The following PCGF3 variants were observed in gnomAD, a reference collection of about 807,000 sequenced individuals.
The protein encoded by PCGF3 is polycomb group RING finger protein 3.
Under a neutral mutation model 33.1 loss-of-function variants are expected in PCGF3, and 7 were observed. The ratio of observed to expected loss-of-function variants is 0.21; its 90% CI spans 0.12 to 0.40. The LOEUF is 0.40. PCGF3 is among the 10% of genes least tolerant of loss of function. The pLI is 1.00. For synonymous variants in PCGF3, 153 were observed against 121.3 expected (o/e 1.26, Z -1.72); for missense variants, 211 against 313.3 (o/e 0.67, Z 2.46).
chr4:735,025 C>T (rs761738215), exon 5 of PCGF3: 29 of 1,611,638 alleles, frequency 1.8e-5, no homozygotes, highest in Non-Finnish European at 1.8e-5. Flanking sequence ...TGCAGTACAT[C>T]GGGTGAGTGT....
At chr4:738,323 C>T (rs1238776612) in intron 6 of PCGF3, among the ~76,000 whole-genome samples, 1 of 152,274 alleles carries the variant, frequency 6.6e-6, no homozygotes, top group Non-Finnish European at 1.5e-5. Flanking sequence ...CTTCCCTACT[C>T]ACAGAGTTCA....
At chr4:765,233 A>C (rs928881779) in intron 10 of PCGF3, among the ~76,000 whole-genome samples, 169 bp downstream of exon 10, 2 of 152,212 alleles carry the variant, frequency 1.3e-5, no homozygotes, top group Non-Finnish European at 2.9e-5. Flanking sequence ...GGAGATCCAG[A>C]CAATCCTGGC....
intron 3 of PCGF3, among the ~76,000 whole-genome samples, chr4:731,601 T>C (rs1560203708): frequency 4.4e-5 from 3 of 68,430 alleles, no homozygotes; most frequent in Non-Finnish European, 9.0e-5. Flanking sequence ...AGGGCGGGGC[T>C]CCCCTCCCCT....
rs57690550 is a variant in PCGF3, at chr4:727,233, C to CTTTTTTTTT, written c.-189-3380_-189-3372dup. Among the ~76,000 whole-genome samples, 54 of 61,896 alleles carry CTTTTTTTTT rather than the reference C, an allele frequency of 8.7e-4. 8 individuals are homozygous for CTTTTTTTTT. The highest frequency in any genetic ancestry group is 0.023 in the Middle Eastern group (1 of 44). 40.6% of individuals were successfully genotyped at this position (61,896 alleles called of 152,430 possible). ...AGAGGATGTGTGTGTTAGCGAGCGT[C>CTTTTTTTTT]TTTTTTTTTTTTTTTTTTTTTTTTT... is the stretch of plus-strand genomic sequence containing the variant. On this transcript the variant is annotated intron_variant, in intron 1 of 10. Coordinates refer to ENST00000362003, the Ensembl canonical transcript of PCGF3.
chr4:728,517 G>A (rs73221120), intron 1 of PCGF3, among the ~76,000 whole-genome samples: 4,570 of 152,302 alleles, frequency 0.03, 130 homozygotes, highest in South Asian at 0.089. Context: ...GTGCAGACTC[G>A]ACACCACTTC....
intron 10 of PCGF3, among the ~76,000 whole-genome samples, 183 bp from the exon 11 acceptor site, chr4:765,849 C>T (rs988542377): frequency 1.3e-5 from 2 of 152,144 alleles, no homozygotes; most frequent in Non-Finnish European, 1.5e-5. Context: ...GTCTTCCTAG[C>T]CCGTCTTCCC....
chr4:768,399 CA>C (rs1284742448), exon 11 of PCGF3: 10 of 152,322 alleles, frequency 6.6e-5, no homozygotes. Context: ...GTCAACCTCT[CA>C]TTTCACAGAA....
chr4:753,813 T>C (rs746493225), intron 8 of PCGF3, among the ~76,000 whole-genome samples: 2 of 151,534 alleles, frequency 1.3e-5, no homozygotes, highest in South Asian at 2.1e-4. Context: ...CCGGGCATGG[T>C]GGTGGGTGCC....
rs370105779 is a variant in PCGF3, at chr4:754,974, A to G, written c.463-6305A>G. Among the ~76,000 whole-genome samples the G allele has an allele frequency of 1.1e-4, 16 of 152,190 alleles. No individual in the cohort carries two copies. The East Asian group carries it at 1.2e-3, about 11-fold the overall frequency. ...AGATCTTGGGCTCTTTTTCACTTCC[A>G]GGTGGACAAGGAGCTCAGTGTTCCC... On this transcript the variant is annotated intron_variant, in intron 8 of 10. Transcript: ENST00000362003.
intron 9 of PCGF3, among the ~76,000 whole-genome samples, chr4:763,578 A>G (rs1339387925): frequency 1.3e-5 from 2 of 152,224 alleles, no homozygotes; most frequent in African/African-American, 4.8e-5. Flanking sequence ...CTGACAACAC[A>G]TTCGGGAAAC....
chr4:749,308 G>A (rs1470203003), intron 8 of PCGF3, among the ~76,000 whole-genome samples: 1 of 151,912 alleles, frequency 6.6e-6, no homozygotes, highest in African/African-American at 2.4e-5. Flanking sequence ...GGGATTACAG[G>A]CATGCGCCAC....
rs1744310103 is a variant in PCGF3 at position 747,584 on chromosome 4, CGTGAG to C, written c.462+2897_462+2901del. Among the ~76,000 whole-genome samples the C allele has an allele frequency of 9.2e-5, 2 of 21,670 alleles. 1 individual carries two copies. Among genetic ancestry groups the C allele is most frequent in the Admixed American group, 1.0e-3 (2 of 1,998 alleles). 14.2% of individuals were successfully genotyped at this position (21,670 alleles called of 152,430 possible). A position where few individuals can be genotyped will look rare whatever the true frequency, so the allele number is the denominator to read the frequency against. On this transcript the variant is annotated intron_variant, in intron 8 of 10. Coordinates refer to ENST00000362003, the Ensembl canonical transcript of PCGF3. ...GCAGTGTTAGTGTTCGCCGTGGAGG[CGTGAG>C]CAGGTGGGCGGGGCCCGGGGGTCGC...
At chr4:734,509 G>T (rs961840193) in intron 4 of PCGF3, 9 of 1,209,254 alleles carry the variant, frequency 7.4e-6, no homozygotes, top group Non-Finnish European at 9.3e-6. Flanking sequence ...CGTATTTTTA[G>T]ATATTGGTTA....
At chr4:756,017 A>T (rs1744755416) in intron 8 of PCGF3, among the ~76,000 whole-genome samples, 1 of 140,858 alleles carries the variant, frequency 7.1e-6, no homozygotes, top group Admixed American at 7.6e-5. Context: ...GGTTCAAGCG[A>T]TTCTTCTGTC....
chr4:752,650 G>T (rs899390), intron 8 of PCGF3, among the ~76,000 whole-genome samples: 110,363 of 151,968 alleles, frequency 0.73, 44,004 homozygotes, highest in East Asian at 1. Context: ...GGGGGTGGGG[G>T]GCCATGCAGT....
chr4:708,571 C>T (rs1742432747), intron 1 of PCGF3, among the ~76,000 whole-genome samples: 1 of 152,154 alleles, frequency 6.6e-6, no homozygotes, highest in Admixed American at 6.5e-5. Flanking sequence ...CTCAGGGTTC[C>T]AGGAGCTCCC....
At chr4:752,599 C>T (rs917670034) in intron 8 of PCGF3, among the ~76,000 whole-genome samples, 1 of 152,140 alleles carries the variant, frequency 6.6e-6, no homozygotes, top group Admixed American at 6.5e-5. Flanking sequence ...GGGGACGGGC[C>T]TGCTGCCCTG....
intron 1 of PCGF3, among the ~76,000 whole-genome samples, chr4:710,300 A>G (rs1742509840): frequency 6.6e-6 from 1 of 152,140 alleles, no homozygotes; most frequent in African/African-American, 2.4e-5. Flanking sequence ...TCCTTTCTCT[A>G]TAGGGCAGCT....
At chr4:730,205 T>C (rs1743493176) in intron 1 of PCGF3, among the ~76,000 whole-genome samples, 1 of 152,210 alleles carries the variant, frequency 6.6e-6, no homozygotes, top group African/African-American at 2.4e-5. Context: ...AGCAGCAGAA[T>C]TGCGGGCATC....
Sources: gnomAD v4.1 joint callset for allele counts (sites outside exome capture counted in the v4.1 genomes callset) on GRCh38, gnomAD v4.1.1 for gene constraint, MANE v1.5 for transcripts, NCBI Gene and HGNC (gene_info 2026-07-23, HGNC 2026-07-21) for gene names.